Variants in RIMBP2 observed in about 807,000 individuals in gnomAD.
RIMBP2 encodes RIMS binding protein 2, also known as RIMS-binding protein 2.
Under a neutral mutation model 118.6 loss-of-function variants are expected in RIMBP2, and 48 were observed. The ratio of observed to expected loss-of-function variants is 0.40; its 90% CI spans 0.32 to 0.51. The LOEUF (loss-of-function observed/expected upper bound fraction) is 0.51. RIMBP2 is among the 20% of genes least tolerant of loss of function. RIMBP2 has a pLI of 0.41. For missense variants in RIMBP2, 1,551 were observed against 1,768.3 expected, an observed-to-expected ratio of 0.88 and a Z score of 2.20; for synonymous variants, 762 against 742.9, an observed-to-expected ratio of 1.03 and a Z score of -0.42.
chr12:130,680,327 G>A (rs1039219504), intron 1 of RIMBP2, among the ~76,000 whole-genome samples: 8 of 152,220 alleles, frequency 5.3e-5, no homozygotes, highest in Admixed American at 3.3e-4. Context: ...GTAAGGTTGA[G>A]AAAGCTCCTG....
chr12:130,699,285 C>T (rs1425556540), intron 1 of RIMBP2, among the ~76,000 whole-genome samples: 3 of 152,208 alleles, frequency 2.0e-5, no homozygotes, highest in Non-Finnish European at 2.9e-5. Context: ...ACACGTATGT[C>T]TATTGCGGCA....
intron 4 of RIMBP2, among the ~76,000 whole-genome samples, chr12:130,496,846 C>T (rs1401933130): frequency 3.3e-5 from 5 of 152,162 alleles, no homozygotes; most frequent in East Asian, 1.9e-4. Flanking sequence ...TCTGCCCAGG[C>T]CATCAGACCA....
intron 4 of RIMBP2, among the ~76,000 whole-genome samples, chr12:130,491,463 C>T (rs988143528): frequency 1.3e-5 from 2 of 152,200 alleles, no homozygotes; most frequent in South Asian, 2.1e-4. Flanking sequence ...ACATGAGAAC[C>T]TTTTCTGCAG....
intron 1 of RIMBP2, among the ~76,000 whole-genome samples, chr12:130,700,149 T>C (rs2065788443): frequency 6.6e-6 from 1 of 152,026 alleles, no homozygotes; most frequent in African/African-American, 2.4e-5. Context: ...CAGAAAACAT[T>C]TGATGGTCTT....
intron 2 of RIMBP2, among the ~76,000 whole-genome samples, chr12:130,625,943 G>A (rs529619975): frequency 6.6e-6 from 1 of 152,220 alleles, no homozygotes; most frequent in Admixed American, 6.5e-5. Context: ...CTCTTTGAAA[G>A]TGTTCTTAAT....
In RIMBP2 at chr12:130,583,669, C is replaced by T. The variant is rs538185023; in HGVS notation, c.-217+44653G>A. Among the ~76,000 whole-genome samples the T allele has an allele frequency of 3.4e-4, 51 of 150,870 alleles. 1 individual carries two copies. Among genetic ancestry groups the T allele is most frequent in the African/African-American group, 1.2e-3 (49 of 40,912 alleles). On this transcript the variant is annotated intron_variant, in intron 2 of 22. Transcript: ENST00000690449. Reference sequence around the variant, plus strand: ...CATCACCATCACCAACACATCATCACTATCACGACTATTACATCACCATCA... The same window carrying T: ...CATCACCATCACCAACACATCATCATTATCACGACTATTACATCACCATCA...
At chr12:130,417,579 T>C (rs558674359) in intron 17 of RIMBP2, among the ~76,000 whole-genome samples, 17 of 151,636 alleles carry the variant, frequency 1.1e-4, no homozygotes, top group Admixed American at 3.9e-4. Flanking sequence ...CACTAGATGG[T>C]GAAGGAGGGA....
rs1289866641 is a variant in RIMBP2, at chr12:130,447,906, T to G, written c.581+2294A>C. ...CCCAGGTGAGCAAGAGGCTTTCGGT[T>G]TGCAGAAATGTCTAAGCAGGTTGCT... On this transcript the variant is annotated intron_variant, in intron 9 of 22. Coordinates refer to ENST00000690449, the MANE Select transcript of RIMBP2 (RefSeq NM_001393629.1). This position sits in a 1 kb window ranked among gnomAD's most constrained non-coding sequence, Gnocchi z 4.4. 6.6e-6 allele frequency among the ~76,000 whole-genome samples: 1 copy of G among 152,114 alleles called. No homozygotes were observed. The highest frequency in any genetic ancestry group is 1.5e-5 in the Non-Finnish European group (1 of 68,004).
rs112930481 is a variant in RIMBP2 at position 130,511,069 on chromosome 12, A to G, written c.-126-4299T>C. ...GAACGGACCCTGAAGATGGGATTGC[A>G]TGGAGCATCCTGAGAGTGGGAGAGC... On this transcript the variant is annotated intron_variant, in intron 3 of 22. Coordinates refer to ENST00000690449, the MANE Select transcript of RIMBP2 (RefSeq NM_001393629.1). The surrounding 1 kb of genome is among the most constrained non-coding windows in gnomAD (Gnocchi z 4.3). Among the ~76,000 whole-genome samples, 1,010 of 152,318 alleles carry G rather than the reference A, an allele frequency of 6.6e-3. 13 individuals are homozygous for G. The highest frequency in any genetic ancestry group is 0.023 in the African/African-American group (952 of 41,570).
Position 130,646,109 on chromosome 12 carries a change from ACCTCCCTCACCACCTGCCTCT to A in RIMBP2, c.-351-17674_-351-17654del, listed in dbSNP as rs2062892394. 7.1e-5 allele frequency among the ~76,000 whole-genome samples: 9 copies of A among 127,178 alleles called. 2 individuals carry two copies. The highest frequency in any genetic ancestry group is 1.6e-4 in the Admixed American group (2 of 12,332). The allele number at this position is 127,178 out of a possible 152,430, so 83.4% of individuals were successfully genotyped here. A position where few individuals can be genotyped will look rare whatever the true frequency, so the allele number is the denominator to read the frequency against. On this transcript the variant is annotated intron_variant, in intron 1 of 22. Transcript: ENST00000690449. ...CACTTCCCTCTCCACCTCCCTCTCCACCTCCCTCACCACCTGCCTCTCCACCTCCCTCACCACCTGCCTCTC... is the reference window on the plus strand; with the variant it reads ...CACTTCCCTCTCCACCTCCCTCTCCACCACCTCCCTCACCACCTGCCTCTC...
At chr12:130,477,265 T>C (rs1428234469) in intron 5 of RIMBP2, among the ~76,000 whole-genome samples, 1 of 152,180 alleles carries the variant, frequency 6.6e-6, no homozygotes, top group African/African-American at 2.4e-5. Flanking sequence ...AAATGCTTAG[T>C]AAATCTAACT....
At chr12:130,695,396 G>A (rs2065516154) in intron 1 of RIMBP2, among the ~76,000 whole-genome samples, 1 of 152,194 alleles carries the variant, frequency 6.6e-6, no homozygotes, top group Non-Finnish European at 1.5e-5. Flanking sequence ...ACGTTGACAG[G>A]ATGGAAAGGT....
intron 2 of RIMBP2, among the ~76,000 whole-genome samples, chr12:130,553,729 G>A (rs1566251575): frequency 6.6e-6 from 1 of 152,142 alleles, no homozygotes; most frequent in Non-Finnish European, 1.5e-5. Flanking sequence ...GGACAACTGA[G>A]GGAAACCTTG....
chr12:130,546,803 C>T (rs1451528808), intron 2 of RIMBP2, among the ~76,000 whole-genome samples: 1 of 152,120 alleles, frequency 6.6e-6, no homozygotes, highest in Non-Finnish European at 1.5e-5. Context: ...TGTTATCTGC[C>T]AATATTTCAA....
chr12:130,614,286 G>A (rs2060762738), intron 2 of RIMBP2, among the ~76,000 whole-genome samples: 4 of 152,108 alleles, frequency 2.6e-5, no homozygotes, highest in South Asian at 4.1e-4. Context: ...AGGAATCAGC[G>A]AAAACCATGT....
At chr12:130,455,079 C>T (rs1566068345) in intron 7 of RIMBP2, among the ~76,000 whole-genome samples, 1 of 152,176 alleles carries the variant, frequency 6.6e-6, no homozygotes, top group East Asian at 1.9e-4. Context: ...GCTCTGGACC[C>T]AAGTCTCAGT....
intron 6 of RIMBP2, among the ~76,000 whole-genome samples, chr12:130,461,930 G>A (rs1032055064): frequency 3.1e-4 from 45 of 145,750 alleles, no homozygotes; most frequent in African/African-American, 1.0e-3. Context: ...TAGCAAGAAC[G>A]GCCTGACACA....
intron 6 of RIMBP2, among the ~76,000 whole-genome samples, chr12:130,460,237 G>A (rs1006987609): frequency 6.6e-6 from 1 of 152,152 alleles, no homozygotes; most frequent in African/African-American, 2.4e-5. Flanking sequence ...GGTATCCTGT[G>A]AGTCTGTGCT....
At chr12:130,663,613 A>G (rs1388004802) in intron 1 of RIMBP2, among the ~76,000 whole-genome samples, 1 of 151,768 alleles carries the variant, frequency 6.6e-6, no homozygotes, top group Non-Finnish European at 1.5e-5. Context: ...GAGAAATGCA[A>G]ATGAAAACTA....
Sources: allele counts gnomAD v4.1 joint callset (sites outside exome capture counted in the v4.1 genomes callset), GRCh38; gene constraint gnomAD v4.1.1; non-coding constraint Gnocchi (gnomAD v3.1); transcripts MANE v1.5; gene names NCBI Gene and HGNC (gene_info 2026-07-23, HGNC 2026-07-21).